Variants in TBC1D30 observed in about 807,000 individuals in gnomAD.
TBC1D30 encodes TBC1 domain family member 30.
Under a neutral mutation model 63.2 loss-of-function variants are expected in TBC1D30, and 31 were observed. The ratio of observed to expected loss-of-function variants is 0.49; its 90% CI spans 0.37 to 0.66. TBC1D30 has a LOEUF of 0.66. TBC1D30 is among the 30% of genes least tolerant of loss of function. The pLI is 0.00. For synonymous variants in TBC1D30, 307 were observed against 361.5 expected, an observed-to-expected ratio of 0.85 and a Z score of 1.71; for missense variants, 810 against 953.6, an observed-to-expected ratio of 0.85 and a Z score of 1.98.
chr12:64,880,036 C>T lies in TBC1D30; in HGVS notation c.*4248C>T, dbSNP rs11175583. On this transcript the variant is annotated 3_prime_UTR_variant, in exon 12 of 12. Coordinates refer to ENST00000539867, the MANE Select transcript of TBC1D30 (RefSeq NM_015279.2). Reference sequence around the variant, plus strand: ...TGTTTGGATGAATTATGATTCATCCCCAGGATGGAAATGTGAAGGCCGGTG... The same window carrying T: ...TGTTTGGATGAATTATGATTCATCCTCAGGATGGAAATGTGAAGGCCGGTG... The T allele has an allele frequency of 6.6e-6, 1 of 152,020 alleles. No individual in the cohort carries two copies. Among genetic ancestry groups the T allele is most frequent in the African/African-American group, 2.4e-5 (1 of 41,380 alleles). The allele number at this position is 152,020 out of a possible 1,614,324, so 9.4% of individuals were successfully genotyped here. A position where few individuals can be genotyped will look rare whatever the true frequency, so the allele number is the denominator to read the frequency against.
At chr12:64,762,254 G>A (rs902027392) in intron 1 of TBC1D30, among the ~76,000 whole-genome samples, 1 of 152,216 alleles carries the variant, frequency 6.6e-6, no homozygotes, top group African/African-American at 2.4e-5. Flanking sequence ...TAGAGCAGAG[G>A]GAGAGAGGTG....
intron 11 of TBC1D30, among the ~76,000 whole-genome samples, chr12:64,873,213 C>T (rs530520807): frequency 1.2e-4 from 19 of 152,206 alleles, no homozygotes; most frequent in African/African-American, 4.6e-4. Flanking sequence ...AGAGGCCTTT[C>T]AGATCTGATA....
chr12:64,869,875 C>A (rs920409944), intron 10 of TBC1D30, among the ~76,000 whole-genome samples: 4 of 152,128 alleles, frequency 2.6e-5, no homozygotes, highest in African/African-American at 9.7e-5. Context: ...GACTCTGGCT[C>A]CCATGTCAGT....
At chr12:64,783,869 G>C (rs1272448604) in intron 1 of TBC1D30, among the ~76,000 whole-genome samples, 3 of 608 alleles carry the variant, frequency 4.9e-3, no homozygotes, top group African/African-American at 0.01. Flanking sequence ...TGTTGGTCAG[G>C]CTGGTCTCAA....
At position 64,832,373 on chromosome 12, in the gene TBC1D30, TCTTC is replaced by T. The variant is rs966432588; in HGVS notation, c.594+73_594+76del. On this transcript the variant is annotated intron_variant, in intron 5 of 11. Coordinates refer to ENST00000539867, the MANE Select transcript of TBC1D30 (RefSeq NM_015279.2). ...AGTGAGAAATTGGAACCATAATTTC[TCTTC>T]CTTGATGTCTCATCCTTTTCCAAGG... 8 of 1,422,558 alleles carry T rather than the reference TCTTC, an allele frequency of 5.6e-6. No homozygotes were observed. The African/African-American group carries it at 1.1e-4, about 20-fold the overall frequency. 88.1% of individuals were successfully genotyped at this position (1,422,558 alleles called of 1,614,324 possible). A position where few individuals can be genotyped will look rare whatever the true frequency, so the allele number is the denominator to read the frequency against.
chr12:64,760,886 C>T (rs1870483453), intron 1 of TBC1D30, among the ~76,000 whole-genome samples: 1 of 151,092 alleles, frequency 6.6e-6, no homozygotes, highest in Non-Finnish European at 1.5e-5. Flanking sequence ...GGGTAATGCG[C>T]GGAGTCCTAA....
chr12:64,769,446 C>T (rs1364947629), intron 1 of TBC1D30, among the ~76,000 whole-genome samples: 4 of 150,784 alleles, frequency 2.7e-5, no homozygotes, highest in African/African-American at 4.9e-5. Flanking sequence ...GGCATGATCT[C>T]GGCTCACTGC....
chr12:64,864,824 A>C (rs776151789), intron 9 of TBC1D30, 44 bp downstream of exon 9: 13 of 1,286,728 alleles, frequency 1.0e-5, no homozygotes, highest in Middle Eastern at 1.8e-4. Flanking sequence ...TGGAGGACTT[A>C]ATATCTTAAT....
upstream of TBC1D30, among the ~76,000 whole-genome samples, chr12:64,824,216 AT>A (rs57199912): frequency 1.1e-4 from 17 of 151,810 alleles, no homozygotes; most frequent in Non-Finnish European, 2.2e-4. Context: ...AGAAACAATA[AT>A]TTTTTTTTCC....
At chr12:64,819,408 T>G (rs868015711) in intron 2 of TBC1D30, among the ~76,000 whole-genome samples, 146 of 36,644 alleles carry the variant, frequency 4.0e-3, no homozygotes, top group Middle Eastern at 0.029. Flanking sequence ...AGGAACTACT[T>G]TTTTTTTTTT....
At position 64,836,669 on chromosome 12, in the gene TBC1D30, A is replaced by G. The variant is rs776362110; in HGVS notation, c.763+11A>G. 3.0e-5 allele frequency: 46 copies of G among 1,530,950 alleles called. 2 individuals are homozygous for G. The South Asian group carries it at 4.8e-4, about 16-fold the overall frequency. The allele number at this position is 1,530,950 out of a possible 1,614,324, so 94.8% of individuals were successfully genotyped here. On this transcript the variant is annotated intron_variant, in intron 6 of 11. Transcript: ENST00000539867. ...ACAAAGAAAGTGGAGGTAGGTTTCA[A>G]TGCTATTATAACTCTGAAAATATTT...
chr12:64,844,944 T>A (rs1876225948), intron 8 of TBC1D30, among the ~76,000 whole-genome samples: 1 of 152,194 alleles, frequency 6.6e-6, no homozygotes, highest in South Asian at 2.1e-4. Context: ...AATGACAGAA[T>A]CTCATTCTTC....
intron 2 of TBC1D30, among the ~76,000 whole-genome samples, chr12:64,792,421 GTTGCTATC>G (rs980500761): frequency 6.6e-6 from 1 of 152,172 alleles, no homozygotes; most frequent in Non-Finnish European, 1.5e-5. Flanking sequence ...AAAGGGTAAT[GTTGCTATC>G]TTAGATAAAA....
intron 11 of TBC1D30, among the ~76,000 whole-genome samples, chr12:64,874,349 A>G (rs1480801584): frequency 1.3e-5 from 2 of 152,144 alleles, no homozygotes; most frequent in African/African-American, 4.8e-5. Flanking sequence ...TGGCCTCCCA[A>G]AATGCTGGAA....
intron 1 of TBC1D30, among the ~76,000 whole-genome samples, chr12:64,760,488 G>A (rs1348029192): frequency 6.6e-6 from 1 of 152,026 alleles, no homozygotes; most frequent in Non-Finnish European, 1.5e-5. Flanking sequence ...GCTTGAACCC[G>A]GGAGGCGGAG....
At chr12:64,781,414 G>T in intron 1 of TBC1D30, 1 of 945,084 alleles carries the variant, frequency 1.1e-6, no homozygotes, top group Non-Finnish European at 1.3e-6. Context: ...CTTTGGATCT[G>T]ACGGTGGTAC....
At chr12:64,848,515 A>G (rs970859030) in intron 8 of TBC1D30, among the ~76,000 whole-genome samples, 1 of 151,934 alleles carries the variant, frequency 6.6e-6, no homozygotes, top group Non-Finnish European at 1.5e-5. Context: ...ATAAGTGAGA[A>G]CCTGTGGTGT....
At chr12:64,834,707 C>CTTTTTTTTTTTT (rs11374555) in intron 5 of TBC1D30, among the ~76,000 whole-genome samples, 3 of 76,342 alleles carry the variant, frequency 3.9e-5, no homozygotes, top group African/African-American at 5.0e-5. Context: ...CCGTGCCGGG[C>CTTTTTTTTTTTT]TTTTTTTTTT....
At chr12:64,864,843 G>A in intron 9 of TBC1D30, 63 bp downstream of exon 9, 2 of 1,144,788 alleles carry the variant, frequency 1.7e-6, no homozygotes, top group Non-Finnish European at 2.5e-6. Flanking sequence ...ATTTGTTATT[G>A]TAAATTAATA....
Sources: gnomAD v4.1 joint callset for allele counts (sites outside exome capture counted in the v4.1 genomes callset) on GRCh38, gnomAD v4.1.1 for gene constraint, MANE v1.5 for transcripts, NCBI Gene and HGNC (gene_info 2026-07-23, HGNC 2026-07-21) for gene names.